PPP1R12B: variants seen among roughly 807,000 people sequenced by gnomAD.
PPP1R12B encodes myosin phosphatase target subunit 2.
In PPP1R12B, 76 loss-of-function variants were observed where a neutral mutation model predicts 126.1. The observed-to-expected ratio is 0.60, with a 90% CI of 0.50 to 0.73. The LOEUF (loss-of-function observed/expected upper bound fraction) is 0.73, where lower values mean the gene tolerates loss of function less well. PPP1R12B is among the 30% of genes least tolerant of loss of function. The pLI, the probability that PPP1R12B is intolerant of heterozygous loss-of-function variation, is 0.00. For synonymous variants in PPP1R12B, 356 were observed against 434.7 expected (o/e 0.82, Z 2.25); for missense variants, 1,052 against 1,205.1 (o/e 0.87, Z 1.88).
chr1:202,454,922 T>C (rs1364791182), intron 13 of PPP1R12B, among the ~76,000 whole-genome samples: 1 of 142,068 alleles, frequency 7.0e-6, no homozygotes, highest in Non-Finnish European at 1.5e-5. Flanking sequence ...ACCCTGTCTC[T>C]AAAAAAAAAA....
intron 1 of PPP1R12B, among the ~76,000 whole-genome samples, chr1:202,372,778 A>T (rs1417774990): frequency 1.3e-4 from 19 of 151,756 alleles, no homozygotes; most frequent in Non-Finnish European, 2.8e-4. Flanking sequence ...GTCTCAAAAT[A>T]AAAAAAAATA....
At chr1:202,409,793 A>T (rs1301490325) in intron 1 of PPP1R12B, among the ~76,000 whole-genome samples, 4 of 152,172 alleles carry the variant, frequency 2.6e-5, no homozygotes, top group African/African-American at 9.6e-5. Flanking sequence ...CCTCCCAAAT[A>T]ACTGGGACTA....
chr1:202,382,393 G>A (rs1662447067), intron 1 of PPP1R12B, among the ~76,000 whole-genome samples: 1 of 148,690 alleles, frequency 6.7e-6, no homozygotes, highest in South Asian at 2.1e-4. Context: ...TGCACGTTGT[G>A]CACATGTACC....
At position 202,495,663 on chromosome 1, in the gene PPP1R12B, T is replaced by A; in HGVS notation, c.2429T>A (p.Ile810Asn). The A allele has an allele frequency of 6.2e-7, 1 of 1,614,044 alleles. No homozygotes were observed. The highest frequency in any genetic ancestry group is 8.5e-7 in the Non-Finnish European group (1 of 1,179,964). Residue 810 changes from isoleucine to asparagine, a missense_variant, in exon 17 of 24, where the codon ATC (isoleucine) becomes AAC (asparagine). Transcript: ENST00000608999. ...RPKERRRGTG[I>N]NFWTKDEDET... ...AAGGAACGACGAAGAGGCACAGGCA[T>A]CAATTTCTGGACAAAGGATGTAAGT...
Position 202,548,907 on chromosome 1 carries a change from G to A in PPP1R12B, c.2491-9970G>A, listed in dbSNP as rs1686011275. Reference sequence around the variant, plus strand: ...AATTGTAACAAGTTCTGAATTAGTAGGGCCTGAATTACTGAGGTTTTTCTC... The same window carrying A: ...AATTGTAACAAGTTCTGAATTAGTAAGGCCTGAATTACTGAGGTTTTTCTC... On this transcript the variant is annotated intron_variant, in intron 18 of 23. Coordinates refer to ENST00000608999, the MANE Select transcript of PPP1R12B (RefSeq NM_002481.4). Among the ~76,000 whole-genome samples, 4 of 150,570 alleles carry A rather than the reference G, an allele frequency of 2.7e-5. No homozygotes were observed. The South Asian group carries it at 8.4e-4, about 32-fold the overall frequency.
At chr1:202,455,146 G>T (rs749269034) in intron 13 of PPP1R12B, among the ~76,000 whole-genome samples, 5 of 151,988 alleles carry the variant, frequency 3.3e-5, no homozygotes, top group Non-Finnish European at 7.4e-5. Flanking sequence ...AAAGAATGAG[G>T]GAGAGAGGTC....
At chr1:202,438,324 T>G in intron 10 of PPP1R12B, 14 of 1,354,090 alleles carry the variant, frequency 1.0e-5, no homozygotes, top group Non-Finnish European at 1.4e-5. Flanking sequence ...AATTTCAGTA[T>G]GGCGGAGGGG....
At chr1:202,443,831 T>C (rs892135721) in intron 12 of PPP1R12B, among the ~76,000 whole-genome samples, 15 of 152,230 alleles carry the variant, frequency 9.9e-5, no homozygotes, top group Non-Finnish European at 4.4e-5. Flanking sequence ...TGTTGATTTT[T>C]GTGATCCAAA....
At chr1:202,361,474 G>A (rs1164119712) in intron 1 of PPP1R12B, among the ~76,000 whole-genome samples, 1 of 152,174 alleles carries the variant, frequency 6.6e-6, no homozygotes, top group East Asian at 1.9e-4. Flanking sequence ...CCTGTGAAGA[G>A]AAGAACTCAC....
intron 18 of PPP1R12B, among the ~76,000 whole-genome samples, chr1:202,546,392 C>T: frequency 6.6e-6 from 1 of 152,048 alleles, no homozygotes; most frequent in Non-Finnish European, 1.5e-5. Flanking sequence ...ATTGCTTGAG[C>T]CCAGGAGTTT....
chr1:202,495,094 CTG>C (rs1215266805), intron 15 of PPP1R12B, among the ~76,000 whole-genome samples, 197 bp from the exon 16 acceptor site: 1 of 146,926 alleles, frequency 6.8e-6, no homozygotes, highest in Non-Finnish European at 1.5e-5. Context: ...AGTCTAGCAG[CTG>C]TGTTTTTTTT....
intron 2 of PPP1R12B, among the ~76,000 whole-genome samples, chr1:202,418,986 A>G (rs1484353120): frequency 6.6e-6 from 1 of 152,136 alleles, no homozygotes; most frequent in Non-Finnish European, 1.5e-5. Context: ...CTAAATTTCA[A>G]GGGAGTAGAA....
chr1:202,567,845 T>G lies in PPP1R12B; in HGVS notation c.2811+14T>G, dbSNP rs765808188. 1.2e-6 allele frequency: 2 copies of G among 1,613,042 alleles called. No individual in the cohort carries two copies. Among genetic ancestry groups the G allele is most frequent in the South Asian group, 2.2e-5 (2 of 91,022 alleles). On this transcript the variant is annotated intron_variant, in intron 22 of 23. Coordinates refer to ENST00000608999, the MANE Select transcript of PPP1R12B (RefSeq NM_002481.4). ...ATGGAGAAACGGGTATGCGCATGTC[T>G]GTTTCCCCCTCCACCCCATTTCATC...
chr1:202,442,336 C>T, intron 11 of PPP1R12B, 111 bp from the exon 12 acceptor site: 1 of 1,215,618 alleles, frequency 8.2e-7, no homozygotes, highest in Non-Finnish European at 1.1e-6. Context: ...AAGAATGTGT[C>T]TATTAGCCAT....
chr1:202,449,165 AGAG>A lies in PPP1R12B; in HGVS notation c.1849_1850+1del, dbSNP rs1553291259. ...GATTCCTCTGTGGAAGCCAGGGAGA[AGAG>A]GAGGTATGTTGAGTTACTGATTTCA... On this transcript the variant is annotated inframe_deletion, in exon 13 of 24. Transcript: ENST00000608999. 6.3e-7 allele frequency: 1 copy of A among 1,599,688 alleles called. No homozygotes were observed. The highest frequency in any genetic ancestry group is 8.5e-7 in the Non-Finnish European group (1 of 1,171,950).
rs762249302 is a variant in PPP1R12B, at chr1:202,422,633, C to T, written c.436C>T (p.His146Tyr). The T allele has an allele frequency of 3.1e-6, 5 of 1,613,516 alleles. No individual in the cohort carries two copies. The African/African-American group carries it at 5.3e-5, about 17-fold the overall frequency. The change falls in exon 3 of 24, where the codon CAC becomes TAC. Residue 146 changes from histidine (H) to tyrosine (Y), a missense_variant. Physicochemically the swap from His to Tyr is moderately conservative, Grantham distance 83. Transcript: ENST00000608999. The part of the protein sequence containing the change: ...YLNIAEYFIN[H>Y]GASVGIVNSE... ...TTGTCTACGCAGGTATTTCATTAAT[C>T]ACGGAGCCAGTGTAGGTATTGTCAA...
At chr1:202,554,975 A>C (rs912173656) in intron 18 of PPP1R12B, among the ~76,000 whole-genome samples, 5 of 151,996 alleles carry the variant, frequency 3.3e-5, no homozygotes, top group African/African-American at 1.2e-4. Flanking sequence ...TGGAAAAATT[A>C]ATCTAGGCCT....
rs1193728997 is a variant in PPP1R12B at position 202,592,456 on chromosome 1, A to G, written c.*11896A>G. 6.6e-6 allele frequency: 1 copy of G among 152,310 alleles called. No individual in the cohort carries two copies. The highest frequency in any genetic ancestry group is 2.4e-5 in the African/African-American group (1 of 41,456). The allele number at this position is 152,310 out of a possible 1,614,324, so 9.4% of individuals were successfully genotyped here. On this transcript the variant is annotated 3_prime_UTR_variant, in exon 24 of 24. Transcript: ENST00000608999. Reference sequence around the variant, plus strand: ...ACATAAAATCAAAGGAGCAGCCTCAACCAGTTCTGTAAAATGGGTTTGAGG... The same window carrying G: ...ACATAAAATCAAAGGAGCAGCCTCAGCCAGTTCTGTAAAATGGGTTTGAGG...
intron 15 of PPP1R12B, among the ~76,000 whole-genome samples, chr1:202,494,582 TAAAA>T (rs35373351): frequency 4.7e-5 from 6 of 127,676 alleles, no homozygotes; most frequent in Non-Finnish European, 6.6e-5. Context: ...TTCTCAGGTT[TAAAA>T]AAAAAAAAAA....
Sources: allele counts gnomAD v4.1 joint callset (sites outside exome capture counted in the v4.1 genomes callset), GRCh38; gene constraint gnomAD v4.1.1; transcripts MANE v1.5; gene names NCBI Gene and HGNC (gene_info 2026-07-23, HGNC 2026-07-21).